Variants in STK32A observed in about 807,000 individuals in gnomAD.
The protein encoded by STK32A is serine/threonine-protein kinase 32A.
Under a neutral mutation model 53.2 loss-of-function variants are expected in STK32A, and 41 were observed. The observed-to-expected ratio is 0.77, with a 90% CI of 0.60 to 1.00. The LOEUF (loss-of-function observed/expected upper bound fraction) is 1.00, where lower values mean the gene tolerates loss of function less well. Among genes scored for constraint, STK32A ranks in the 50% least tolerant of loss-of-function variants. The pLI, the probability that STK32A is intolerant of heterozygous loss-of-function variation, is 0.00. For missense variants in STK32A, 458 were observed against 485.8 expected, an observed-to-expected ratio of 0.94 and a Z score of 0.54; for synonymous variants, 166 against 162.8, an observed-to-expected ratio of 1.02 and a Z score of -0.15.
At chr5:147,342,309 T>C (rs779938231) in intron 5 of STK32A, among the ~76,000 whole-genome samples, 2 of 152,088 alleles carry the variant, frequency 1.3e-5, no homozygotes, top group Non-Finnish European at 2.9e-5. Context: ...TGTGATAAAC[T>C]GTGATAAATG....
At chr5:147,339,618 C>G (rs1030625744) in intron 5 of STK32A, among the ~76,000 whole-genome samples, 1 of 152,226 alleles carries the variant, frequency 6.6e-6, no homozygotes, top group Non-Finnish European at 1.5e-5. Context: ...AGCCAATGAA[C>G]GCAGCCAGGA....
chr5:147,292,095 A>AG (rs1296548533), intron 4 of STK32A, among the ~76,000 whole-genome samples: 6 of 152,242 alleles, frequency 3.9e-5, no homozygotes, highest in Non-Finnish European at 8.8e-5. Context: ...TGAGGTTTCT[A>AG]GGCCTGTCAA....
intron 5 of STK32A, among the ~76,000 whole-genome samples, chr5:147,339,917 C>T (rs553215087): frequency 6.6e-6 from 1 of 152,308 alleles, no homozygotes; most frequent in African/African-American, 2.4e-5. Flanking sequence ...GCAGAAGGGA[C>T]TTGCCTTGTC....
chr5:147,317,407 A>G (rs1335093156), intron 4 of STK32A, among the ~76,000 whole-genome samples: 1 of 120,726 alleles, frequency 8.3e-6, no homozygotes, highest in African/African-American at 3.3e-5. Flanking sequence ...GGCTCACTGC[A>G]ACCTCCGCCG....
chr5:147,266,719 TG>T (rs1310992363), intron 2 of STK32A, among the ~76,000 whole-genome samples: 1 of 152,128 alleles, frequency 6.6e-6, no homozygotes, highest in Non-Finnish European at 1.5e-5. Context: ...TTTTGCTTAA[TG>T]TTTTGGCAAG....
At chr5:147,311,598 G>T (rs1359387612) in intron 4 of STK32A, among the ~76,000 whole-genome samples, 3 of 152,250 alleles carry the variant, frequency 2.0e-5, no homozygotes, top group Non-Finnish European at 4.4e-5. Flanking sequence ...ACAGAGTCTT[G>T]CTCTGTCACC....
At chr5:147,270,683 A>G (rs1561682780) in intron 2 of STK32A, among the ~76,000 whole-genome samples, 2 of 152,244 alleles carry the variant, frequency 1.3e-5, no homozygotes, top group Non-Finnish European at 2.9e-5. Context: ...TGCTGAAAAA[A>G]TACACATATA....
At chr5:147,266,893 C>A (rs778189496) in intron 2 of STK32A, among the ~76,000 whole-genome samples, 1 of 151,826 alleles carries the variant, frequency 6.6e-6, no homozygotes, top group African/African-American at 2.4e-5. Flanking sequence ...CATGGTGGTG[C>A]GTGTCTGTAA....
chr5:147,383,789 C>T (rs1277141892), intron 12 of STK32A, 101 bp from the exon 13 acceptor site: 3 of 1,128,506 alleles, frequency 2.7e-6, no homozygotes, highest in Non-Finnish European at 3.6e-6. Context: ...TTGGCTCATG[C>T]TTATTTATAA....
intron 7 of STK32A, among the ~76,000 whole-genome samples, chr5:147,359,389 G>A (rs749297436): frequency 7.2e-5 from 11 of 152,098 alleles, no homozygotes; most frequent in Non-Finnish European, 1.0e-4. Context: ...CCTGAAAATA[G>A]ACCAGGTAGA....
chr5:147,376,552 C>G (rs1271573937), intron 11 of STK32A, among the ~76,000 whole-genome samples: 1 of 152,130 alleles, frequency 6.6e-6, no homozygotes, highest in East Asian at 1.9e-4. Flanking sequence ...TTAGGAATAA[C>G]TTTTGACCAT....
At chr5:147,306,175 G>T (rs1032654959) in intron 4 of STK32A, among the ~76,000 whole-genome samples, 1 of 151,698 alleles carries the variant, frequency 6.6e-6, no homozygotes, top group Non-Finnish European at 1.5e-5. Flanking sequence ...ATCTCCCTGT[G>T]GTTTTAATTT....
intron 2 of STK32A, among the ~76,000 whole-genome samples, chr5:147,263,008 A>T (rs1025976327): frequency 6.6e-6 from 1 of 152,170 alleles, no homozygotes; most frequent in Non-Finnish European, 1.5e-5. Flanking sequence ...ACAAAAAAAA[A>T]TTCTCCACTC....
intron 7 of STK32A, 137 bp downstream of exon 7, chr5:147,351,291 G>A (rs1162403642): frequency 1.4e-6 from 1 of 700,600 alleles, no homozygotes; most frequent in Non-Finnish European, 2.4e-6. Context: ...TGATTTCATG[G>A]GTCTTCTCCA....
chr5:147,372,504 C>T (rs1392151193), intron 9 of STK32A, among the ~76,000 whole-genome samples: 1 of 151,958 alleles, frequency 6.6e-6, no homozygotes, highest in East Asian at 1.9e-4. Flanking sequence ...CTTCACTCCA[C>T]AAATTACACC....
At chr5:147,367,347 T>C (rs935528180) in intron 8 of STK32A, among the ~76,000 whole-genome samples, 1 of 152,152 alleles carries the variant, frequency 6.6e-6, no homozygotes, top group Admixed American at 6.5e-5. Context: ...ATTACAGGTG[T>C]GAGCCGCCGC....
intron 11 of STK32A, among the ~76,000 whole-genome samples, chr5:147,377,635 G>A (rs1561757977): frequency 6.6e-6 from 1 of 152,116 alleles, no homozygotes; most frequent in Non-Finnish European, 1.5e-5. Flanking sequence ...TCCAAACAAT[G>A]TTTGCAGAGA....
chr5:147,361,740 G>T, intron 8 of STK32A, 126 bp downstream of exon 8: 1 of 716,054 alleles, frequency 1.4e-6, no homozygotes, highest in Non-Finnish European at 2.4e-6. Flanking sequence ...GCCATGTGAT[G>T]TTGATAACAC....
At chr5:147,371,102 A>G (rs775840080) in intron 9 of STK32A, among the ~76,000 whole-genome samples, 2 of 152,102 alleles carry the variant, frequency 1.3e-5, no homozygotes, top group African/African-American at 2.4e-5. Context: ...TGCGTATTCA[A>G]TTCATCACCA....
Sources: gnomAD v4.1 joint callset for allele counts (sites outside exome capture counted in the v4.1 genomes callset) on GRCh38, gnomAD v4.1.1 for gene constraint, MANE v1.5 for transcripts, NCBI Gene and HGNC (gene_info 2026-07-23, HGNC 2026-07-21) for gene names.